BCL2L12: variants seen among roughly 807,000 people sequenced by gnomAD.
BCL2L12 encodes the protein bcl-2-like protein 12.
BCL2L12 carries 27 observed loss-of-function variants against 25.7 expected under a neutral mutation model. The observed-to-expected ratio is 1.05, with a 90% CI of 0.78 to 1.45. BCL2L12 has a LOEUF of 1.45. BCL2L12 is among the 40% of genes most tolerant of loss of function. The pLI is 0.00. For synonymous variants in BCL2L12, 132 were observed against 145.6 expected (o/e 0.91, Z 0.67); for missense variants, 302 against 329.8 (o/e 0.92, Z 0.65).
At chr19:49,665,659 A>G (rs2081689414), upstream of BCL2L12, 2 of 885,148 alleles carry the variant, frequency 2.3e-6, no homozygotes, top group Non-Finnish European at 3.4e-6. Flanking sequence ...GCGTGCGGGC[A>G]GCTGGAACCC....
chr19:49,669,609 GT>G (rs1452561958), intron 5 of BCL2L12, among the ~76,000 whole-genome samples: 1 of 151,796 alleles, frequency 6.6e-6, no homozygotes, highest in Non-Finnish European at 1.5e-5. Context: ...TAAATTAGTT[GT>G]TTTAATTGAT....
At chr19:49,670,159 C>T (rs1282331580) in intron 5 of BCL2L12, 57 bp from the exon 6 acceptor site, 9 of 1,574,206 alleles carry the variant, frequency 5.7e-6, no homozygotes, top group Non-Finnish European at 7.7e-6. Context: ...TCCCGGCCCT[C>T]TATTGGCTGG....
chr19:49,670,572 C>G, intron 6 of BCL2L12, 84 bp downstream of exon 6: 1 of 1,477,138 alleles, frequency 6.8e-7, no homozygotes, highest in East Asian at 2.5e-5. Context: ...TCTTAGGTTC[C>G]TCTCAGACCT....
Position 49,668,955 on chromosome 19 carries a change from C to T in BCL2L12, c.337+18C>T. ...CAGCCCAGGTGAGGCACAGAGGAGC[C>T]CCAGAGAAGGATGGCGGTGGGAGGA... On this transcript the variant is annotated intron_variant, in intron 4 of 6. Transcript: ENST00000246784. 6.2e-7 allele frequency: 1 copy of T among 1,613,972 alleles called. No individual in the cohort carries two copies. The highest frequency in any genetic ancestry group is 2.2e-5 in the East Asian group (1 of 44,884).
At position 49,668,784 on chromosome 19, in the gene BCL2L12, G is replaced by T. The variant is rs1599913739; in HGVS notation, c.251-67G>T. On this transcript the variant is annotated intron_variant, in intron 3 of 6. Transcript: ENST00000246784. ...ATCATTGCCACCTGCCAAGGTAGTT[G>T]GGGGAAGGAGAGAATCCGTAAGTTT... 8 of 1,441,194 alleles carry T rather than the reference G, an allele frequency of 5.6e-6. No homozygotes were observed. The East Asian group carries it at 1.9e-4, about 33-fold the overall frequency. The allele number at this position is 1,441,194 out of a possible 1,614,324, so 89.3% of individuals were successfully genotyped here. A position where few individuals can be genotyped will look rare whatever the true frequency, so the allele number is the denominator to read the frequency against.
chr19:49,665,989 G>C lies in BCL2L12; in HGVS notation c.-87G>C. 1.2e-6 allele frequency: 2 copies of C among 1,608,144 alleles called. No individual in the cohort carries two copies. The highest frequency in any genetic ancestry group is 1.7e-6 in the Non-Finnish European group (2 of 1,176,886). On this transcript the variant is annotated 5_prime_UTR_variant, in exon 1 of 7. Transcript: ENST00000246784. ...CCCAGTGCGCAGGCGCGGGAAAGTT[G>C]AACTAATAAAGTTTGTACGAGTTCA...
intron 5 of BCL2L12, 183 bp downstream of exon 5, chr19:49,669,298 G>A (rs2081899597): frequency 8.2e-7 from 1 of 1,214,772 alleles, no homozygotes; most frequent in Non-Finnish European, 1.1e-6. Flanking sequence ...CACTTTGGGA[G>A]GCCGAGTTGG....
intron 6 of BCL2L12, among the ~76,000 whole-genome samples, chr19:49,670,960 G>A (rs182903939): frequency 3.6e-4 from 55 of 151,978 alleles, no homozygotes; most frequent in African/African-American, 1.3e-3. Flanking sequence ...AGGAGTTTGA[G>A]ACCAGCTGGC....
chr19:49,668,690 T>C (rs75368365), intron 3 of BCL2L12, among the ~76,000 whole-genome samples, 161 bp from the exon 4 acceptor site: 2,780 of 152,208 alleles, frequency 0.018, 79 homozygotes, highest in African/African-American at 0.064. Flanking sequence ...CTCATGAGGC[T>C]GAGGCAGGAG....
chr19:49,666,034 G>T lies in BCL2L12; in HGVS notation c.-42G>T. Reference sequence around the variant, plus strand: ...AGTTCAGTGGAGGAGACCGCAAGTTGAGTGGAGGAGGCGGCGGTGGGGCCC... The same window carrying T: ...AGTTCAGTGGAGGAGACCGCAAGTTTAGTGGAGGAGGCGGCGGTGGGGCCC... On this transcript the variant is annotated 5_prime_UTR_variant, in exon 1 of 7. Transcript: ENST00000246784. 6.4e-7 allele frequency: 1 copy of T among 1,567,326 alleles called. No homozygotes were observed. Among genetic ancestry groups the T allele is most frequent in the South Asian group, 1.1e-5 (1 of 87,096 alleles).
At position 49,668,809 on chromosome 19, in the gene BCL2L12, T is replaced by G. The variant is rs1262087700; in HGVS notation, c.251-42T>G. On this transcript the variant is annotated intron_variant, in intron 3 of 6. Transcript: ENST00000246784. Reference sequence around the variant, plus strand: ...GGGGGAAGGAGAGAATCCGTAAGTTTCCAATGTCCTGGAAACCTGTCATTA... The same window carrying G: ...GGGGGAAGGAGAGAATCCGTAAGTTGCCAATGTCCTGGAAACCTGTCATTA... 3.8e-6 allele frequency: 6 copies of G among 1,561,978 alleles called. No homozygotes were observed. In the Admixed American group the frequency reaches 5.1e-5, roughly 13 times the overall value.
rs766395175 is a variant in BCL2L12 at position 49,673,760 on chromosome 19, G to C, written c.*12G>C. On this transcript the variant is annotated 3_prime_UTR_variant, in exon 7 of 7. Coordinates refer to ENST00000246784, the MANE Select transcript of BCL2L12 (RefSeq NM_138639.2). Reference sequence around the variant, plus strand: ...TGCCATTGGACTGAGCTCTTTCTCAGAAGCTGCTACAAGATGACACCTCAT... The same window carrying C: ...TGCCATTGGACTGAGCTCTTTCTCACAAGCTGCTACAAGATGACACCTCAT... 7 of 1,613,926 alleles carry C rather than the reference G, an allele frequency of 4.3e-6. No homozygotes were observed. In the African/African-American group the frequency reaches 9.3e-5, roughly 22 times the overall value.
rs771218121 is a variant in BCL2L12, at chr19:49,669,084, T to C, written c.398T>C (p.Leu133Pro). 1 of 1,614,132 alleles carries C rather than the reference T, an allele frequency of 6.2e-7. No individual in the cohort carries two copies. The highest frequency in any genetic ancestry group is 1.7e-5 in the Admixed American group (1 of 60,008). The change falls in exon 5 of 7, where the codon CTG becomes CCG. Residue 133 changes from leucine to proline, a missense_variant. Leu to Pro is a moderately conservative substitution (Grantham distance 98). Coordinates refer to ENST00000246784, the MANE Select transcript of BCL2L12 (RefSeq NM_138639.2). The part of the protein sequence containing the change: ...EAILRRLVAL[L>P]EEEAEVINQK... ...ATACTGCGGAGGCTGGTGGCCCTGCTGGAGGAGGAGGCAGAAGTCATTAAC... is the reference window on the plus strand; with the variant it reads ...ATACTGCGGAGGCTGGTGGCCCTGCCGGAGGAGGAGGCAGAAGTCATTAAC...
chr19:49,673,892 T>C lies in BCL2L12; in HGVS notation c.*144T>C. On this transcript the variant is annotated 3_prime_UTR_variant, in exon 7 of 7. Transcript: ENST00000246784. The stretch of plus-strand genomic sequence containing the variant: ...GCCAAAAATAAATTGTTTAAAACTT[T>C]TCTTATTAAAAACGTTACAAAGTAT... The C allele has an allele frequency of 1.1e-6, 1 of 879,036 alleles. No individual in the cohort carries two copies. The highest frequency in any genetic ancestry group is 1.9e-5 in the South Asian group (1 of 52,830). The allele number at this position is 879,036 out of a possible 1,614,324, so 54.5% of individuals were successfully genotyped here.
At chr19:49,665,416 C>T (rs192529016), upstream of BCL2L12, 138 of 183,910 alleles carry the variant, frequency 7.5e-4, 1 homozygote, top group African/African-American at 3.2e-3. Context: ...TCTCTAGAAC[C>T]CCCTCAGTGT....
rs1008422110 is a variant in BCL2L12, at chr19:49,667,312, T to C, written c.250+151T>C. On this transcript the variant is annotated intron_variant, in intron 3 of 6. Transcript: ENST00000246784. ...TGTCCTCTCCCCTCCCCAGTTAGAT[T>C]TCTGTCAATTCTGTGGGTTGGCTTT... 8 of 1,154,080 alleles carry C rather than the reference T, an allele frequency of 6.9e-6. No homozygotes were observed. The East Asian group carries it at 1.5e-4, about 21-fold the overall frequency. The allele number at this position is 1,154,080 out of a possible 1,614,324, so 71.5% of individuals were successfully genotyped here.
rs1311606624 is a variant in BCL2L12, at chr19:49,673,794, C to G, written c.*46C>G. ...ACAAGATGACACCTCATGTCCCTGC[C>G]CTCTTCGTGTGCTTTTCCAAGTCTT... On this transcript the variant is annotated 3_prime_UTR_variant, in exon 7 of 7. Coordinates refer to ENST00000246784, the MANE Select transcript of BCL2L12 (RefSeq NM_138639.2). 1 of 1,606,666 alleles carries G rather than the reference C, an allele frequency of 6.2e-7. No homozygotes were observed. The highest frequency in any genetic ancestry group is 8.5e-7 in the Non-Finnish European group (1 of 1,173,542).
At chr19:49,671,164 C>T (rs1360836820) in intron 6 of BCL2L12, among the ~76,000 whole-genome samples, 1 of 132,928 alleles carries the variant, frequency 7.5e-6, no homozygotes, top group African/African-American at 2.9e-5. Context: ...TGTGTCTCAA[C>T]AAAATAATAT....
chr19:49,670,040 C>T (rs1017332341), intron 5 of BCL2L12, among the ~76,000 whole-genome samples, 176 bp from the exon 6 acceptor site: 2 of 152,092 alleles, frequency 1.3e-5, no homozygotes, highest in Non-Finnish European at 2.9e-5. Context: ...GCCACTATCC[C>T]GGGGGTAGTT....
Sources: gnomAD v4.1 joint callset for allele counts (sites outside exome capture counted in the v4.1 genomes callset) on GRCh38, gnomAD v4.1.1 for gene constraint, MANE v1.5 for transcripts, NCBI Gene and HGNC (gene_info 2026-07-23, HGNC 2026-07-21) for gene names.